SLC43A3: variants seen among roughly 807,000 people sequenced by gnomAD.
SLC43A3 encodes the protein equilibrative nucleobase transporter 1.
A neutral mutation model predicts 53.3 loss-of-function variants in SLC43A3; 33 were observed. That is an observed-to-expected ratio of 0.62 (90% confidence interval 0.47 to 0.83). The LOEUF is 0.83. SLC43A3 is among the 40% of genes least tolerant of loss of function. The probability of loss-of-function intolerance (pLI) is 0.00; values close to 1 mark genes in which losing one functional copy is unlikely to be tolerated. For synonymous variants in SLC43A3, 236 were observed against 246.2 expected (o/e 0.96, Z 0.39); for missense variants, 530 against 610.0 (o/e 0.87, Z 1.38).
At chr11:57,416,459 G>C in intron 9 of SLC43A3, 114 bp downstream of exon 9, 1 of 756,114 alleles carries the variant, frequency 1.3e-6, no homozygotes, top group Non-Finnish European at 2.3e-6. Flanking sequence ...CCCTTTTTCT[G>C]TCCTGCCTTT....
chr11:57,422,405 T>C (rs963692956), intron 5 of SLC43A3, among the ~76,000 whole-genome samples: 2 of 152,196 alleles, frequency 1.3e-5, no homozygotes, highest in Non-Finnish European at 2.9e-5. Context: ...TTTCATGAAA[T>C]CAGAAGGACT....
intron 11 of SLC43A3, among the ~76,000 whole-genome samples, chr11:57,411,389 A>C (rs1183227459): frequency 1.4e-5 from 2 of 141,050 alleles, no homozygotes; most frequent in Non-Finnish European, 3.0e-5. Flanking sequence ...CCACAATCCC[A>C]ACACTTTGGG....
At chr11:57,424,172 G>T in intron 4 of SLC43A3, 144 bp from the exon 5 acceptor site, 1 of 765,058 alleles carries the variant, frequency 1.3e-6, no homozygotes, top group Non-Finnish European at 2.2e-6. Flanking sequence ...ATGCCTCTGA[G>T]CCCCAGGCTC....
At position 57,424,154 on chromosome 11, in the gene SLC43A3, G is replaced by A. The variant is rs111908581; in HGVS notation, c.315-126C>T. 7,245 of 865,916 alleles carry A rather than the reference G, an allele frequency of 8.4e-3. 352 individuals are homozygous for A. In the African/African-American group the frequency reaches 0.1, roughly 12 times the overall value. 53.6% of individuals were successfully genotyped at this position (865,916 alleles called of 1,614,324 possible). On this transcript the variant is annotated intron_variant, in intron 4 of 13. Transcript: ENST00000395124. ...CCGCACCCTCAGCCTGGGATGCAAC[G>A]GGCACTGATGCCTCTGAGCCCCAGG...
intron 11 of SLC43A3, among the ~76,000 whole-genome samples, chr11:57,412,981 C>G (rs2134991738): frequency 6.7e-6 from 1 of 150,324 alleles, no homozygotes; most frequent in Middle Eastern, 3.4e-3. Context: ...ATCTTAACAT[C>G]GTAACAAGAC....
In SLC43A3 at chr11:57,426,018, C is replaced by A; in HGVS notation, c.155G>T (p.Gly52Val). 1 of 1,614,266 alleles carries A rather than the reference C, an allele frequency of 6.2e-7. No homozygotes were observed. Residue 52 changes from glycine (G) to valine (V), a missense_variant, in exon 3 of 14, where the codon GGG becomes GTG. Transcript: ENST00000395124. ...YFKDLCGPDA[G>V]PIGNATGQAD... Reference sequence around the variant, plus strand: ...CTGCCCTGTGGCATTGCCAATCGGCCCAGCATCTGGTCCACACAGATCCTT... The same window carrying A: ...CTGCCCTGTGGCATTGCCAATCGGCACAGCATCTGGTCCACACAGATCCTT...
rs1431229199 is a variant in SLC43A3 at position 57,416,646 on chromosome 11, T to G, written c.696A>C (p.Thr232=). The change falls in exon 9 of 14, where the codon ACA becomes ACC. Residue 232 remains threonine (T), a synonymous_variant. Transcript: ENST00000395124. ...SYGLCPGNGT[T]KEEKETAEHE... ...GCTCAGCTGTTTCCTTCTCTTCCTT[T>G]GTGGTGCCATTCCCAGGGCACAGGC... The G allele has an allele frequency of 6.2e-7, 1 of 1,614,120 alleles. No homozygotes were observed. The highest frequency in any genetic ancestry group is 2.2e-5 in the East Asian group (1 of 44,874).
chr11:57,414,788 C>G, intron 10 of SLC43A3, 57 bp from the exon 11 acceptor site: 1 of 1,532,222 alleles, frequency 6.5e-7, no homozygotes, highest in Non-Finnish European at 9.0e-7. Flanking sequence ...CCCTTCCAGG[C>G]AGGGACTCTC....
chr11:57,420,947 G>A, intron 7 of SLC43A3, 25 bp downstream of exon 7: 4 of 1,462,234 alleles, frequency 2.7e-6, no homozygotes, highest in Non-Finnish European at 2.9e-6. Flanking sequence ...AGTGCCCAGT[G>A]AATGTAGGCT....
At position 57,426,155 on chromosome 11, in the gene SLC43A3, C is replaced by T. The variant is rs1943192069; in HGVS notation, c.18G>A (p.Leu6=). Residue 6 remains leucine, a synonymous_variant, in exon 3 of 14, where the codon CTG becomes CTA. Transcript: ENST00000395124. ...TCAGCAGTGTGGCCACGTGCAGGGGCAGGCCCTGGCCCGCCATGAGCAGAA... is the reference window on the plus strand; with the variant it reads ...TCAGCAGTGTGGCCACGTGCAGGGGTAGGCCCTGGCCCGCCATGAGCAGAA... MAGQG[L]PLHVATLLTG... 6.2e-7 allele frequency: 1 copy of T among 1,613,838 alleles called. No individual in the cohort carries two copies. Among genetic ancestry groups the T allele is most frequent in the African/African-American group, 1.3e-5 (1 of 74,952 alleles).
At chr11:57,409,042 A>T in intron 13 of SLC43A3, 133 bp downstream of exon 13, 1 of 879,654 alleles carries the variant, frequency 1.1e-6, no homozygotes, top group South Asian at 1.6e-5. Flanking sequence ...TTTTGCCCCA[A>T]ATACTTGAAT....
At chr11:57,407,947 A>C in intron 13 of SLC43A3, 51 bp from the exon 14 acceptor site, 1 of 1,243,630 alleles carries the variant, frequency 8.0e-7, no homozygotes, top group Non-Finnish European at 1.2e-6. Context: ...GAACAACAGA[A>C]CTGTTGCTCA....
chr11:57,424,172 G>A (rs767475150), intron 4 of SLC43A3, 144 bp from the exon 5 acceptor site: 54 of 764,940 alleles, frequency 7.1e-5, no homozygotes, highest in Non-Finnish European at 1.2e-4. Context: ...ATGCCTCTGA[G>A]CCCCAGGCTC....
chr11:57,420,997 G>A lies in SLC43A3; in HGVS notation c.506C>T (p.Ser169Phe), dbSNP rs1316877617. Residue 169 changes from serine (S) to phenylalanine (F), a missense_variant, in exon 7 of 14, where the codon TCC becomes TTC. By Grantham distance (155) the Ser-to-Phe change is radical. Around this residue, in one of 3 missense-constraint regions of SLC43A3, gnomAD observed 376 missense variants for 386.7 expected, o/e 0.97. Transcript: ENST00000395124. The part of the protein sequence containing the change: ...ITLYNGAFDS[S>F]SAVFLIIKLL... ...CTTAATAATAAGGAAGACTGCCGAG[G>A]AAGAGTCAAATGCTCCATTGTACAG... 2 of 1,613,436 alleles carry A rather than the reference G, an allele frequency of 1.2e-6. No homozygotes were observed. The highest frequency in any genetic ancestry group is 1.7e-6 in the Non-Finnish European group (2 of 1,179,320).
Position 57,421,020 on chromosome 11 carries a change from CAG to C in SLC43A3, c.481_482del (p.Leu161ValfsTer6). 6.2e-7 allele frequency: 1 copy of C among 1,613,950 alleles called. No individual in the cohort carries two copies. The highest frequency in any genetic ancestry group is 8.5e-7 in the Non-Finnish European group (1 of 1,179,836). On this transcript the variant is annotated frameshift_variant, in exon 7 of 14. Transcript: ENST00000395124. LOFTEE classifies it high-confidence loss of function. ...FGQHRSTIIT[L>X]YNGAFDSSSA... ...AGGAAGAGTCAAATGCTCCATTGTA[CAG>C]AGTGATGATGGTCGAACGGTGTTGG...
chr11:57,410,024 G>A lies in SLC43A3; in HGVS notation c.1158C>T (p.Pro386=). The A allele has an allele frequency of 1.2e-6, 2 of 1,613,246 alleles. No homozygotes were observed. The highest frequency in any genetic ancestry group is 1.7e-6 in the Non-Finnish European group (2 of 1,179,758). Reference sequence around the variant, plus strand: ...AGGTGAGGTACTGGAGAGGGAGGATGGGGACTGAGGCACAGAGGGCGAAGC... The same window carrying A: ...AGGTGAGGTACTGGAGAGGGAGGATAGGGACTGAGGCACAGAGGGCGAAGC... ...CLGFALCASV[P]ILPLQYLTFI... is the part of the protein sequence containing the mutation. The change falls in exon 12 of 14, where the codon CCC becomes CCT. Residue 386 remains proline, a synonymous_variant. Coordinates refer to ENST00000395124, the MANE Select transcript of SLC43A3 (RefSeq NM_199329.3).
chr11:57,426,527 G>A, intron 2 of SLC43A3, 61 bp downstream of exon 2: 1 of 196,624 alleles, frequency 5.1e-6, no homozygotes, highest in Non-Finnish European at 1.1e-5. Flanking sequence ...GTAACCACGT[G>A]GCAAGTAGAG....
chr11:57,409,379 G>A (rs1942347486), intron 12 of SLC43A3, 81 bp from the exon 13 acceptor site: 26 of 1,545,678 alleles, frequency 1.7e-5, no homozygotes, highest in South Asian at 5.7e-5. Flanking sequence ...GGGGGCTGTC[G>A]GCCGCTTGTC....
chr11:57,409,880 C>A, intron 12 of SLC43A3, 55 bp downstream of exon 12: 1 of 1,492,466 alleles, frequency 6.7e-7, no homozygotes, highest in Non-Finnish European at 9.0e-7. Context: ...TTACCTCCAG[C>A]TTCTCTTTGC....
Sources: allele counts gnomAD v4.1 joint callset (sites outside exome capture counted in the v4.1 genomes callset), GRCh38; gene constraint gnomAD v4.1.1; regional missense constraint gnomAD v4.1.1; transcripts MANE v1.5; gene names NCBI Gene and HGNC (gene_info 2026-07-23, HGNC 2026-07-21).